DCC: variants seen among roughly 807,000 people sequenced by gnomAD.
The protein encoded by DCC is netrin receptor DCC.
Under a neutral mutation model 172.5 loss-of-function variants are expected in DCC, and 58 were observed. That is an observed-to-expected ratio of 0.34 (90% confidence interval 0.27 to 0.42). The LOEUF (loss-of-function observed/expected upper bound fraction) is 0.42. DCC is among the 10% of genes least tolerant of loss of function. DCC has a pLI of 1.00. For synonymous variants in DCC, 709 were observed against 644.5 expected, an observed-to-expected ratio of 1.10 and a Z score of -1.52; for missense variants, 1,740 against 1,791.0, an observed-to-expected ratio of 0.97 and a Z score of 0.51.
intron 2 of DCC, among the ~76,000 whole-genome samples, chr18:52,800,217 C>CA (rs1240126721): frequency 6.6e-6 from 1 of 152,138 alleles, no homozygotes; most frequent in Non-Finnish European, 1.5e-5. Flanking sequence ...TTCTGAAAGT[C>CA]AAAGTGTTCC....
chr18:52,350,044 G>A (rs1466920718), intron 1 of DCC, among the ~76,000 whole-genome samples: 1 of 152,128 alleles, frequency 6.6e-6, no homozygotes, highest in Non-Finnish European at 1.5e-5. Flanking sequence ...TTTTCAGGAA[G>A]GACTATCAAT....
At chr18:52,456,234 A>G (rs952176456) in intron 1 of DCC, among the ~76,000 whole-genome samples, 3 of 152,164 alleles carry the variant, frequency 2.0e-5, no homozygotes, top group Admixed American at 1.3e-4. Flanking sequence ...CTTATGAATC[A>G]AGTTTCAGTC....
intron 13 of DCC, among the ~76,000 whole-genome samples, chr18:53,310,485 T>C (rs2057253412): frequency 6.6e-6 from 1 of 152,110 alleles, no homozygotes; most frequent in Non-Finnish European, 1.5e-5. Flanking sequence ...GTGTATGTGT[T>C]TTTTTAATGA....
chr18:53,203,201 T>TG (rs2055569376), intron 9 of DCC, among the ~76,000 whole-genome samples: 2 of 125,254 alleles, frequency 1.6e-5, no homozygotes, highest in African/African-American at 5.7e-5. Context: ...ATAGATTCTC[T>TG]TGTGTGTGTG....
rs182375330 is a variant in DCC, at chr18:53,354,589, C to T, written c.2359+14682C>T. ...TTGAGAAGTGTCTGTTCATATCCTTCGCCCACTTTTTGATGGGCTTCTTTG... is the reference window on the plus strand; with the variant it reads ...TTGAGAAGTGTCTGTTCATATCCTTTGCCCACTTTTTGATGGGCTTCTTTG... On this transcript the variant is annotated intron_variant, in intron 15 of 28. Transcript: ENST00000442544. Among the ~76,000 whole-genome samples the T allele has an allele frequency of 6.2e-4, 95 of 152,134 alleles. 1 individual carries two copies. Among genetic ancestry groups the T allele is most frequent in the South Asian group, 2.7e-3 (13 of 4,812 alleles).
chr18:53,234,297 T>C (rs1462584761), intron 12 of DCC, among the ~76,000 whole-genome samples: 6 of 151,182 alleles, frequency 4.0e-5, no homozygotes, highest in Admixed American at 4.0e-4. Flanking sequence ...GGCGTGGTGT[T>C]GGTCACCTGT....
chr18:52,367,310 GGGA>G (rs1984923308), intron 1 of DCC, among the ~76,000 whole-genome samples: 15 of 152,220 alleles, frequency 9.9e-5, no homozygotes, highest in African/African-American at 3.6e-4. Context: ...TGCAAGCTGA[GGGA>G]GTGGGCTCCA....
chr18:52,917,055 G>C (rs921420876), intron 3 of DCC, among the ~76,000 whole-genome samples: 6 of 148,696 alleles, frequency 4.0e-5, no homozygotes, highest in African/African-American at 1.5e-4. Flanking sequence ...GGCTGAGACA[G>C]GCAGATTGCT....
chr18:53,321,589 A>T (rs902458459), intron 13 of DCC, among the ~76,000 whole-genome samples: 1 of 152,178 alleles, frequency 6.6e-6, no homozygotes, highest in Non-Finnish European at 1.5e-5. Flanking sequence ...AAAAGCCCTA[A>T]TATTTTCTTC....
Position 52,929,204 on chromosome 18 carries a change from C to T in DCC, c.985+3834C>T, listed in dbSNP as rs141550226. On this transcript the variant is annotated intron_variant, in intron 5 of 28. Transcript: ENST00000442544. ...GCTACTTTTAATCCCGTTTTACAAA[C>T]GAAGGCATTTTAGCACAGAAAGATA... Among the ~76,000 whole-genome samples, 614 of 152,180 alleles carry T rather than the reference C, an allele frequency of 4.0e-3. 12 individuals are homozygous for T. Among genetic ancestry groups the T allele is most frequent in the Admixed American group, 0.023 (358 of 15,272 alleles).
chr18:53,496,469 AAAG>A (rs1427961299), intron 26 of DCC, among the ~76,000 whole-genome samples: 3 of 3,626 alleles, frequency 8.3e-4, no homozygotes, highest in East Asian at 4.3e-3. Context: ...AACATCAAAG[AAAG>A]ACCAAAGGTA....
intron 25 of DCC, among the ~76,000 whole-genome samples, chr18:53,473,004 T>G (rs2045717076): frequency 6.6e-6 from 1 of 152,240 alleles, no homozygotes; most frequent in South Asian, 2.1e-4. Context: ...TTTTTCCCTT[T>G]ACATATTTCT....
intron 25 of DCC, among the ~76,000 whole-genome samples, chr18:53,480,408 C>T (rs1448132830): frequency 2.0e-5 from 3 of 152,166 alleles, no homozygotes; most frequent in Non-Finnish European, 4.4e-5. Context: ...AAAACAAGAA[C>T]TTGAACTAGA....
At chr18:53,253,438 T>C (rs2144662833) in intron 12 of DCC, among the ~76,000 whole-genome samples, 1 of 152,150 alleles carries the variant, frequency 6.6e-6, no homozygotes, top group African/African-American at 2.4e-5. Context: ...CACTCAAGTA[T>C]TAAATATTAG....
chr18:52,927,081 ATATACACG>A lies in DCC; in HGVS notation c.985+1716_985+1723del, dbSNP rs2040220719. 8.4e-5 allele frequency among the ~76,000 whole-genome samples: 10 copies of A among 118,562 alleles called. 2 individuals are homozygous for A. Among genetic ancestry groups the A allele is most frequent in the South Asian group, 2.8e-4 (1 of 3,540 alleles). 77.8% of individuals were successfully genotyped at this position (118,562 alleles called of 152,430 possible). A position where few individuals can be genotyped will look rare whatever the true frequency, so the allele number is the denominator to read the frequency against. On this transcript the variant is annotated intron_variant, in intron 5 of 28. Transcript: ENST00000442544. ...CACATATATACACACATATATGTGTATATACACGTATATACGTGTATATACACGTATAT... is the reference window on the plus strand; with the variant it reads ...CACATATATACACACATATATGTGTATATATACGTGTATATACACGTATAT...
intron 5 of DCC, among the ~76,000 whole-genome samples, chr18:52,979,388 C>T (rs1292163092): frequency 2.6e-5 from 4 of 152,248 alleles, no homozygotes; most frequent in Non-Finnish European, 4.4e-5. Flanking sequence ...CACTTTCATT[C>T]CTCCCTATGA....
chr18:52,753,346 A>G (rs1276784598), intron 2 of DCC, among the ~76,000 whole-genome samples: 1 of 152,230 alleles, frequency 6.6e-6, no homozygotes. Context: ...AAACAGTCAT[A>G]GGACCTCAAC....
At chr18:52,674,390 A>G (rs2035611881) in intron 1 of DCC, among the ~76,000 whole-genome samples, 1 of 152,052 alleles carries the variant, frequency 6.6e-6, no homozygotes, top group South Asian at 2.1e-4. Context: ...TTCTCCTTCC[A>G]TTTGCTTCTG....
At chr18:53,344,496 G>A (rs1307391905) in intron 15 of DCC, among the ~76,000 whole-genome samples, 7 of 130,296 alleles carry the variant, frequency 5.4e-5, no homozygotes, top group African/African-American at 2.0e-4. Context: ...AGGCTGGAGT[G>A]CAGTGGTGTG....
Sources: allele counts gnomAD v4.1 joint callset (sites outside exome capture counted in the v4.1 genomes callset), GRCh38; gene constraint gnomAD v4.1.1; transcripts MANE v1.5; gene names NCBI Gene and HGNC (gene_info 2026-07-23, HGNC 2026-07-21).